The following HACD4 variants were observed in gnomAD, a reference collection of about 807,000 sequenced individuals.
HACD4 encodes very-long-chain (3R)-3-hydroxyacyl-CoA dehydratase 4.
Under a neutral mutation model 33.3 loss-of-function variants are expected in HACD4, and 35 were observed. The ratio of observed to expected loss-of-function variants is 1.05; its 90% CI spans 0.80 to 1.39. The LOEUF (loss-of-function observed/expected upper bound fraction) is 1.39, where lower values mean the gene tolerates loss of function less well. Among genes scored for constraint, HACD4 ranks in the 40% most tolerant of loss-of-function variants. HACD4 has a pLI of 0.00. For synonymous variants in HACD4, 118 were observed against 98.0 expected (o/e 1.20, Z -1.21); for missense variants, 323 against 276.5 (o/e 1.17, Z -1.19).
Position 21,000,863 on chromosome 9 carries a change from A to G in HACD4, c.*6174T>C. 1 of 152,118 alleles carries G rather than the reference A, an allele frequency of 6.6e-6. No individual in the cohort carries two copies. The highest frequency in any genetic ancestry group is 1.9e-4 in the East Asian group (1 of 5,196). The allele number at this position is 152,118 out of a possible 1,614,324, so 9.4% of individuals were successfully genotyped here. A position where few individuals can be genotyped will look rare whatever the true frequency, so the allele number is the denominator to read the frequency against. The stretch of plus-strand genomic sequence containing the variant: ...TTCTTTCTTTGGGGAAATATTTTGG[A>G]CATTGAGATTGTATCTATTTGTACT... On this transcript the variant is annotated 3_prime_UTR_variant, in exon 7 of 7. Transcript: ENST00000495827.
In HACD4 at chr9:21,011,710, G is replaced by A. The variant is rs1215510952; in HGVS notation, c.384-15C>T. On this transcript the variant is annotated splice_polypyrimidine_tract_variant and intron_variant, in intron 4 of 6. Transcript: ENST00000495827. ...TATAAGTGTACCTGAAAGGAGATGA[G>A]AAGCTCATAAACATCATTTTCTGCT... is the stretch of plus-strand genomic sequence containing the variant. 1.1e-5 allele frequency: 15 copies of A among 1,414,046 alleles called. No individual in the cohort carries two copies. The highest frequency in any genetic ancestry group is 1.5e-5 in the Non-Finnish European group (15 of 1,010,426). The allele number at this position is 1,414,046 out of a possible 1,614,324, so 87.6% of individuals were successfully genotyped here.
chr9:21,025,055 A>G (rs1219222438), intron 3 of HACD4, among the ~76,000 whole-genome samples: 1 of 152,172 alleles, frequency 6.6e-6, no homozygotes, highest in East Asian at 1.9e-4. Context: ...TGCTGTTGGG[A>G]CAGATCTGTA....
rs1368533710 is a variant in HACD4 at position 21,004,768 on chromosome 9, C to G, written c.*2269G>C. 4 of 152,078 alleles carry G rather than the reference C, an allele frequency of 2.6e-5. No homozygotes were observed. The highest frequency in any genetic ancestry group is 5.9e-5 in the Non-Finnish European group (4 of 68,054). The allele number at this position is 152,078 out of a possible 1,614,324, so 9.4% of individuals were successfully genotyped here. On this transcript the variant is annotated 3_prime_UTR_variant, in exon 7 of 7. Coordinates refer to ENST00000495827, the MANE Select transcript of HACD4 (RefSeq NM_001010915.5). This position sits in a 1 kb window ranked among gnomAD's most constrained non-coding sequence, Gnocchi z 4.6. ...ACCAAGAAGTGTGGTGATGCTATAA[C>G]CAATATATAAAGATGTGGAAGCAGC...
intron 5 of HACD4, 38 bp from the exon 6 acceptor site, chr9:21,008,184 T>TTAAG: frequency 6.4e-7 from 1 of 1,572,552 alleles, no homozygotes; most frequent in Middle Eastern, 1.7e-4. Context: ...GTATTCCTCC[T>TTAAG]TAAGTTGTTA....
chr9:21,023,857 G>C (rs1817994954), intron 3 of HACD4, among the ~76,000 whole-genome samples: 1 of 152,188 alleles, frequency 6.6e-6, no homozygotes, highest in East Asian at 1.9e-4. Context: ...TTACAGGCGT[G>C]AGCCACTGCA....
chr9:21,012,296 G>GGCA (rs1283171772), intron 4 of HACD4, among the ~76,000 whole-genome samples: 1 of 152,132 alleles, frequency 6.6e-6, no homozygotes, highest in Admixed American at 6.5e-5. Context: ...TCACCTAGAT[G>GGCA]GCATGTTAAA....
At chr9:21,028,535 A>C (rs760848327) in intron 2 of HACD4, among the ~76,000 whole-genome samples, 1 of 152,234 alleles carries the variant, frequency 6.6e-6, no homozygotes, top group Non-Finnish European at 1.5e-5. Flanking sequence ...CTTATGATAC[A>C]CACGTCTGAA....
intron 4 of HACD4, among the ~76,000 whole-genome samples, chr9:21,013,066 C>CA (rs570206944): frequency 0.13 from 8,677 of 68,678 alleles, 320 homozygotes; most frequent in Middle Eastern, 0.21. Flanking sequence ...GACTCCATCT[C>CA]AAAAAAAAAA....
Position 21,029,319 on chromosome 9 carries a change from C to A in HACD4, c.118G>T (p.Val40Phe). The change falls in exon 2 of 7, where the codon GTC becomes TTC. Residue 40 changes from valine (V) to phenylalanine (F), a missense_variant. Coordinates refer to ENST00000495827, the MANE Select transcript of HACD4 (RefSeq NM_001010915.5). ...GHSWIFTNMT[V>F]RFFSFGKDSM... ...CCTTTTCCAAATGAAAAGAATCTGA[C>A]TGTCATATTTGTAAATATCCAAGAG... 1 of 1,587,910 alleles carries A rather than the reference C, an allele frequency of 6.3e-7. No individual in the cohort carries two copies. The highest frequency in any genetic ancestry group is 8.6e-7 in the Non-Finnish European group (1 of 1,161,784).
At chr9:21,022,924 T>A (rs987300408) in intron 3 of HACD4, among the ~76,000 whole-genome samples, 2 of 151,952 alleles carry the variant, frequency 1.3e-5, no homozygotes, top group African/African-American at 4.8e-5. Flanking sequence ...CACACGTATG[T>A]TTATTGCGGC....
chr9:21,006,844 A>G lies in HACD4; in HGVS notation c.*193T>C. On this transcript the variant is annotated 3_prime_UTR_variant, in exon 7 of 7. Transcript: ENST00000495827. The surrounding 1 kb of genome is among the most constrained non-coding windows in gnomAD (Gnocchi z 4.6). ...TGGTGAAGCAGGGTATGGAGAATAT[A>G]TATGTCTTAAAAATACAATGTGTGA... 5.2e-6 allele frequency: 3 copies of G among 580,678 alleles called. No homozygotes were observed. The highest frequency in any genetic ancestry group is 3.1e-5 in the East Asian group (1 of 32,234). 36.0% of individuals were successfully genotyped at this position (580,678 alleles called of 1,614,324 possible).
At chr9:21,016,057 A>G (rs766264750) in intron 3 of HACD4, 47 bp from the exon 4 acceptor site, 1 of 1,291,134 alleles carries the variant, frequency 7.7e-7, no homozygotes, top group Non-Finnish European at 1.1e-6. Context: ...CTATTAGGCT[A>G]TGTAGGTAAT....
chr9:21,017,768 C>T (rs1231648198), intron 3 of HACD4: 1 of 152,126 alleles, frequency 6.6e-6, no homozygotes, highest in Non-Finnish European at 1.5e-5. Flanking sequence ...TGATACTAGC[C>T]CAGCCCCACC....
intron 3 of HACD4, among the ~76,000 whole-genome samples, chr9:21,022,571 T>C (rs1393441537): frequency 2.6e-5 from 4 of 152,134 alleles, no homozygotes; most frequent in African/African-American, 4.8e-5. Context: ...TATGAACAGA[T>C]ACTTCTCAAA....
Position 21,011,677 on chromosome 9 carries a change from T to C in HACD4, c.402A>G (p.Leu134=). ...CAGCATAGGATATTCCTATGACTGA[T>C]AACATGCTATAAGTGTACCTGAAAG... ...LDMVRYTYSM[L]SVIGISYAVL... The change falls in exon 5 of 7, where the codon TTA becomes TTG. Residue 134 remains leucine (L), a synonymous_variant. Coordinates refer to ENST00000495827, the MANE Select transcript of HACD4 (RefSeq NM_001010915.5). 7 of 1,599,784 alleles carry C rather than the reference T, an allele frequency of 4.4e-6. No homozygotes were observed. Among genetic ancestry groups the C allele is most frequent in the Non-Finnish European group, 6.0e-6 (7 of 1,167,968 alleles).
chr9:21,031,301 G>C, intron 1 of HACD4: 1 of 266,534 alleles, frequency 3.8e-6, no homozygotes, highest in Middle Eastern at 1.8e-3. Flanking sequence ...ACAAGGGCAG[G>C]GGTAGCCATG....
At chr9:21,031,422 C>T (rs1254880638) in intron 1 of HACD4, 131 bp downstream of exon 1, 6 of 1,320,798 alleles carry the variant, frequency 4.5e-6, no homozygotes, top group Non-Finnish European at 5.8e-6. Flanking sequence ...CAAGGGGTGC[C>T]TGGGCACGGT....
chr9:21,023,854 C>A (rs1041882594), intron 3 of HACD4, among the ~76,000 whole-genome samples: 1 of 152,200 alleles, frequency 6.6e-6, no homozygotes, highest in Non-Finnish European at 1.5e-5. Flanking sequence ...GGATTACAGG[C>A]GTGAGCCACT....
At chr9:21,024,229 G>A (rs917241124) in intron 3 of HACD4, among the ~76,000 whole-genome samples, 2 of 152,112 alleles carry the variant, frequency 1.3e-5, no homozygotes, top group Non-Finnish European at 2.9e-5. Context: ...AAGAAATAGG[G>A]GCCAAATAAA....
Sources: gnomAD v4.1 joint callset for allele counts (sites outside exome capture counted in the v4.1 genomes callset) on GRCh38, gnomAD v4.1.1 for gene constraint, Gnocchi (gnomAD v3.1) non-coding constraint, MANE v1.5 for transcripts, NCBI Gene and HGNC (gene_info 2026-07-23, HGNC 2026-07-21) for gene names.